FNDC3A: variants seen among roughly 807,000 people sequenced by gnomAD.
FNDC3A encodes fibronectin type III domain containing 3A.
In FNDC3A, 32 loss-of-function variants were observed where a neutral mutation model predicts 148.9. The observed-to-expected ratio is 0.21, with a 90% CI of 0.16 to 0.29. The LOEUF is 0.29. Ranked by LOEUF, FNDC3A falls within the 10% of genes least tolerant of loss-of-function variation. FNDC3A has a pLI of 1.00. For missense variants in FNDC3A, 1,191 were observed against 1,452.8 expected (o/e 0.82, Z 2.93); for synonymous variants, 472 against 473.6 (o/e 1.00, Z 0.04).
chr13:49,118,957 C>T (rs956680921), intron 4 of FNDC3A, among the ~76,000 whole-genome samples: 5 of 152,200 alleles, frequency 3.3e-5, no homozygotes, highest in Admixed American at 2.6e-4. Context: ...TCCTGCCTAC[C>T]GGCTCTAAAG....
chr13:49,129,186 A>G lies in FNDC3A; in HGVS notation c.253-1951A>G, dbSNP rs75004328. Among the ~76,000 whole-genome samples the G allele has an allele frequency of 4.6e-3, 708 of 152,386 alleles. 10 individuals carry two copies. The highest frequency in any genetic ancestry group is 0.016 in the African/African-American group (675 of 41,592). On this transcript the variant is annotated intron_variant, in intron 4 of 25. Coordinates refer to ENST00000492622, the MANE Select transcript of FNDC3A (RefSeq NM_001079673.2). ...GAGTGGAGAAGGTAAAGTTAGAGCT[A>G]GAATTGGAAGGATAGACAAGATTAT...
intron 2 of FNDC3A, among the ~76,000 whole-genome samples, chr13:49,036,609 T>G (rs1874511979): frequency 1.3e-5 from 2 of 152,222 alleles, no homozygotes; most frequent in Admixed American, 1.3e-4. Context: ...ACCACTCTAG[T>G]CTCTGTAACT....
chr13:49,043,666 AT>A (rs1165843371), intron 2 of FNDC3A, among the ~76,000 whole-genome samples: 13 of 150,210 alleles, frequency 8.7e-5, no homozygotes, highest in East Asian at 5.9e-4. Context: ...AACTTTGGCC[AT>A]TTTTTTTTCT....
chr13:49,092,355 G>A (rs1050207214), intron 3 of FNDC3A, among the ~76,000 whole-genome samples: 2 of 152,196 alleles, frequency 1.3e-5, no homozygotes, highest in Non-Finnish European at 2.9e-5. Flanking sequence ...GGTTGTAGGA[G>A]GGGCCAAATG....
intron 19 of FNDC3A, among the ~76,000 whole-genome samples, chr13:49,194,097 C>T (rs1423892188): frequency 2.6e-5 from 4 of 152,052 alleles, no homozygotes; most frequent in Admixed American, 6.6e-5. Flanking sequence ...CCCATATCTA[C>T]TAAAAATACA....
chr13:49,073,275 C>G (rs977772570), intron 2 of FNDC3A, among the ~76,000 whole-genome samples: 1 of 152,034 alleles, frequency 6.6e-6, no homozygotes, highest in Non-Finnish European at 1.5e-5. Flanking sequence ...GCAAAGGGTT[C>G]ATACAAATCA....
At chr13:49,199,328 AT>A (rs35601446) in intron 23 of FNDC3A, among the ~76,000 whole-genome samples, 7,242 of 133,112 alleles carry the variant, frequency 0.054, 237 homozygotes, top group African/African-American at 0.14. Context: ...GACCGAAACA[AT>A]TTTTTTTTTT....
chr13:49,028,243 T>A (rs1873862809), intron 2 of FNDC3A, among the ~76,000 whole-genome samples: 1 of 151,988 alleles, frequency 6.6e-6, no homozygotes, highest in Non-Finnish European at 1.5e-5. Flanking sequence ...GATTTAACTA[T>A]GTGCACTCTA....
At chr13:49,129,657 G>C (rs912707038) in intron 4 of FNDC3A, among the ~76,000 whole-genome samples, 1 of 152,136 alleles carries the variant, frequency 6.6e-6, no homozygotes, top group Non-Finnish European at 1.5e-5. Flanking sequence ...ATTCAGAACT[G>C]AGTTAAATAG....
In FNDC3A at chr13:49,197,698, G is replaced by A. The variant is rs142679360; in HGVS notation, c.2341-27G>A. ...GCTATTTAATCAACATCAAGACTAA[G>A]ACCTTTATCCTTTTCTTAATTTAAA... On this transcript the variant is annotated intron_variant, in intron 20 of 25. Coordinates refer to ENST00000492622, the MANE Select transcript of FNDC3A (RefSeq NM_001079673.2). 1,395 of 1,581,222 alleles carry A rather than the reference G, an allele frequency of 8.8e-4. 18 individuals are homozygous for A. In the African/African-American group the frequency reaches 0.017, roughly 19 times the overall value.
rs1320451393 is a variant in FNDC3A, at chr13:49,198,146, T to C, written c.2655T>C (p.Pro885=). 6.2e-7 allele frequency: 1 copy of C among 1,614,200 alleles called. No individual in the cohort carries two copies. The highest frequency in any genetic ancestry group is 8.5e-7 in the Non-Finnish European group (1 of 1,180,018). The change falls in exon 22 of 26, where the codon CCT becomes CCC. Residue 885 remains proline, a synonymous_variant. Coordinates refer to ENST00000492622, the MANE Select transcript of FNDC3A (RefSeq NM_001079673.2). ...STCLAISWEK[P]CDHGSEILAY... The stretch of plus-strand genomic sequence containing the variant: ...GCCTTGCAATAAGCTGGGAAAAGCC[T>C]TGTGATCATGGTTCGGAAATCCTTG...
intron 25 of FNDC3A, among the ~76,000 whole-genome samples, chr13:49,205,384 A>G (rs944793997): frequency 1.2e-4 from 18 of 152,310 alleles, no homozygotes; most frequent in African/African-American, 2.2e-4. Flanking sequence ...TATGTATACA[A>G]TTTTACACTA....
intron 2 of FNDC3A, among the ~76,000 whole-genome samples, chr13:49,047,784 CTTT>C: frequency 6.6e-6 from 1 of 152,148 alleles, no homozygotes. Flanking sequence ...TGTGCTGAAA[CTTT>C]TTAGTTTAAT....
chr13:49,163,589 G>A (rs546376349), intron 8 of FNDC3A, among the ~76,000 whole-genome samples: 2 of 152,286 alleles, frequency 1.3e-5, no homozygotes, highest in East Asian at 1.9e-4. Context: ...TGCACTTTGT[G>A]GGTGAGGCTA....
At chr13:49,142,842 A>G (rs924846807) in intron 7 of FNDC3A, among the ~76,000 whole-genome samples, 5 of 152,154 alleles carry the variant, frequency 3.3e-5, no homozygotes, top group African/African-American at 1.2e-4. Flanking sequence ...GTGACTTAAC[A>G]TATAAGTGCA....
At chr13:49,076,900 A>T (rs992959564) in intron 3 of FNDC3A, among the ~76,000 whole-genome samples, 1 of 152,242 alleles carries the variant, frequency 6.6e-6, no homozygotes, top group Non-Finnish European at 1.5e-5. Context: ...TTGGGGACAC[A>T]TACCATTTCT....
At chr13:49,188,486 C>T (rs1334731704) in intron 16 of FNDC3A, 29 bp from the exon 17 acceptor site, 13 of 1,376,394 alleles carry the variant, frequency 9.4e-6, no homozygotes, top group Non-Finnish European at 1.3e-5. Context: ...TACCTAGTAT[C>T]TGATTGAACA....
At chr13:48,988,281 G>A (rs138575999) in intron 1 of FNDC3A, among the ~76,000 whole-genome samples, 203 of 152,236 alleles carry the variant, frequency 1.3e-3, no homozygotes, top group African/African-American at 4.7e-3. Flanking sequence ...CTTGAACTCA[G>A]CTCTGGATCA....
intron 2 of FNDC3A, among the ~76,000 whole-genome samples, chr13:49,013,036 C>A (rs979163668): frequency 9.2e-5 from 14 of 151,972 alleles, no homozygotes; most frequent in African/African-American, 3.4e-4. Flanking sequence ...AAAGGGTAAG[C>A]CAGGTGCAGT....
Sources: gnomAD v4.1 joint callset for allele counts (sites outside exome capture counted in the v4.1 genomes callset) on GRCh38, gnomAD v4.1.1 for gene constraint, MANE v1.5 for transcripts, NCBI Gene and HGNC (gene_info 2026-07-23, HGNC 2026-07-21) for gene names.